The following ADAMTS18 variants were observed in gnomAD, a reference collection of about 807,000 sequenced individuals.
ADAMTS18 encodes ADAM metallopeptidase with thrombospondin type 1 motif 18.
Under a neutral mutation model 165.9 loss-of-function variants are expected in ADAMTS18, and 157 were observed. The ratio of observed to expected loss-of-function variants is 0.95; its 90% CI spans 0.83 to 1.08. The LOEUF is 1.08. Among genes scored for constraint, ADAMTS18 ranks in the 50% least tolerant of loss-of-function variants. ADAMTS18 has a pLI of 0.00. For missense variants in ADAMTS18, 2,040 were observed against 1,534.0 expected (o/e 1.33, Z -5.51); for synonymous variants, 782 against 578.2 (o/e 1.35, Z -5.06).
intron 3 of ADAMTS18, among the ~76,000 whole-genome samples, chr16:77,413,693 A>G (rs1184547899): frequency 1.3e-5 from 2 of 151,164 alleles, no homozygotes; most frequent in African/African-American, 4.8e-5. Flanking sequence ...GTATACTTAA[A>G]TATGTTATTT....
At chr16:77,350,845 C>T (rs2056545379) in intron 10 of ADAMTS18, among the ~76,000 whole-genome samples, 1 of 152,060 alleles carries the variant, frequency 6.6e-6, no homozygotes, top group Non-Finnish European at 1.5e-5. Flanking sequence ...TCTGAGAGGA[C>T]ACTTTGATAA....
chr16:77,290,695 G>C (rs947307213), intron 21 of ADAMTS18: 2 of 166,530 alleles, frequency 1.2e-5, no homozygotes, highest in African/African-American at 4.8e-5. Context: ...ACCAATCCTA[G>C]CTAAAGTTTC....
intron 10 of ADAMTS18, among the ~76,000 whole-genome samples, chr16:77,345,699 G>A (rs1279377640): frequency 6.6e-6 from 1 of 152,096 alleles, no homozygotes; most frequent in African/African-American, 2.4e-5. Context: ...ACTTCCTCAG[G>A]CACACTGGTC....
At chr16:77,346,166 A>C (rs1256921372) in intron 10 of ADAMTS18, among the ~76,000 whole-genome samples, 2 of 152,220 alleles carry the variant, frequency 1.3e-5, no homozygotes, top group African/African-American at 2.4e-5. Flanking sequence ...AAATTTAATC[A>C]GCCACCAACC....
At chr16:77,305,290 C>T (rs928375993) in intron 16 of ADAMTS18, among the ~76,000 whole-genome samples, 1 of 152,046 alleles carries the variant, frequency 6.6e-6, no homozygotes, top group African/African-American at 2.4e-5. Flanking sequence ...AATACTTAAA[C>T]CTTTGGAGAT....
intron 3 of ADAMTS18, among the ~76,000 whole-genome samples, chr16:77,426,380 G>T (rs1319380220): frequency 6.6e-6 from 1 of 152,198 alleles, no homozygotes; most frequent in African/African-American, 2.4e-5. Context: ...AGAAGTTAGG[G>T]AAACTATAGG....
intron 3 of ADAMTS18, among the ~76,000 whole-genome samples, chr16:77,401,990 G>T (rs184119687): frequency 6.6e-6 from 1 of 152,102 alleles, no homozygotes; most frequent in Non-Finnish European, 1.5e-5. Flanking sequence ...TCGGACTCAG[G>T]TCAAATCACA....
chr16:77,325,053 T>C (rs1484912049), intron 13 of ADAMTS18, among the ~76,000 whole-genome samples: 2 of 152,226 alleles, frequency 1.3e-5, no homozygotes, highest in Non-Finnish European at 2.9e-5. Flanking sequence ...GCTTCCTTTA[T>C]GATCACTGAT....
intron 3 of ADAMTS18, among the ~76,000 whole-genome samples, chr16:77,379,566 G>A (rs2144767719): frequency 6.6e-6 from 1 of 152,234 alleles, no homozygotes; most frequent in African/African-American, 2.4e-5. Context: ...TCGGCTCACT[G>A]CAACCTCCAC....
chr16:77,375,168 G>A (rs1008329035), intron 3 of ADAMTS18, among the ~76,000 whole-genome samples: 2 of 152,164 alleles, frequency 1.3e-5, no homozygotes, highest in African/African-American at 4.8e-5. Flanking sequence ...TCACAAATGG[G>A]AATGAAATAT....
intron 16 of ADAMTS18, among the ~76,000 whole-genome samples, chr16:77,318,987 G>A (rs550930503): frequency 2.0e-5 from 3 of 152,308 alleles, no homozygotes; most frequent in African/African-American, 4.8e-5. Context: ...GAGGACTAAA[G>A]AAAATGTTTC....
At chr16:77,421,100 G>A (rs931775848) in intron 3 of ADAMTS18, among the ~76,000 whole-genome samples, 2 of 152,162 alleles carry the variant, frequency 1.3e-5, no homozygotes, top group Admixed American at 1.3e-4. Context: ...ATATTAGAAA[G>A]CATGCCCCCT....
At position 77,283,355 on chromosome 16, in the gene ADAMTS18, G is replaced by A. The variant is rs2055185019; in HGVS notation, c.*601C>T. On this transcript the variant is annotated 3_prime_UTR_variant, in exon 23 of 23. Coordinates refer to ENST00000282849, the MANE Select transcript of ADAMTS18 (RefSeq NM_199355.4). ...TTTTAGTCTCAGAGACTCTCTATAAGCAGAATATAGTTTACACAAAATAAT... is the reference window on the plus strand; with the variant it reads ...TTTTAGTCTCAGAGACTCTCTATAAACAGAATATAGTTTACACAAAATAAT... The A allele has an allele frequency of 2.6e-5, 4 of 153,528 alleles. No homozygotes were observed. The highest frequency in any genetic ancestry group is 2.6e-4 in the Admixed American group (4 of 15,390). 9.5% of individuals were successfully genotyped at this position (153,528 alleles called of 1,614,324 possible). A position where few individuals can be genotyped will look rare whatever the true frequency, so the allele number is the denominator to read the frequency against.
At chr16:77,344,772 G>C (rs1036404324) in intron 10 of ADAMTS18, among the ~76,000 whole-genome samples, 8 of 151,898 alleles carry the variant, frequency 5.3e-5, no homozygotes. Flanking sequence ...ATTCCAGAGT[G>C]AAATAAGACA....
Position 77,384,652 on chromosome 16 carries a change from G to T in ADAMTS18, c.496-16929C>A, listed in dbSNP as rs1274160554. Reference sequence around the variant, plus strand: ...CCCTGGCTAACACCCAACTTATGGGGCATTTCTACTGCCTGTAGCAGTGAA... The same window carrying T: ...CCCTGGCTAACACCCAACTTATGGGTCATTTCTACTGCCTGTAGCAGTGAA... On this transcript the variant is annotated intron_variant, in intron 3 of 22. Coordinates refer to ENST00000282849, the MANE Select transcript of ADAMTS18 (RefSeq NM_199355.4). 3.3e-5 allele frequency among the ~76,000 whole-genome samples: 5 copies of T among 152,114 alleles called. No individual in the cohort carries two copies. In the East Asian group the frequency reaches 9.7e-4, roughly 29 times the overall value.
At chr16:77,388,420 T>C (rs1446247692) in intron 3 of ADAMTS18, among the ~76,000 whole-genome samples, 2 of 152,112 alleles carry the variant, frequency 1.3e-5, no homozygotes, top group Non-Finnish European at 2.9e-5. Flanking sequence ...TCTATGACCA[T>C]CTCATCAAAA....
At chr16:77,431,870 G>A (rs562002148) in intron 2 of ADAMTS18, 12 of 543,174 alleles carry the variant, frequency 2.2e-5, no homozygotes, top group East Asian at 1.6e-4. Flanking sequence ...GTGGAAAAAT[G>A]TAACACCTCT....
rs536522010 is a variant in ADAMTS18, at chr16:77,394,702, G to A, written c.496-26979C>T. 9.2e-5 allele frequency among the ~76,000 whole-genome samples: 14 copies of A among 152,274 alleles called. No homozygotes were observed. In the South Asian group the frequency reaches 2.5e-3, roughly 27 times the overall value. Reference sequence around the variant, plus strand: ...ATTTGACTTACCACGAAAATTTCAAGAAAGTATTTAGCATAAAAAGCAGGC... The same window carrying A: ...ATTTGACTTACCACGAAAATTTCAAAAAAGTATTTAGCATAAAAAGCAGGC... On this transcript the variant is annotated intron_variant, in intron 3 of 22. Coordinates refer to ENST00000282849, the MANE Select transcript of ADAMTS18 (RefSeq NM_199355.4).
chr16:77,373,082 T>C (rs7190480), intron 3 of ADAMTS18, among the ~76,000 whole-genome samples: 39,636 of 152,116 alleles, frequency 0.26, 5,826 homozygotes, highest in East Asian at 0.57. Flanking sequence ...ACACATTTTT[T>C]TTCTTTCCCC....
Sources: allele counts gnomAD v4.1 joint callset (sites outside exome capture counted in the v4.1 genomes callset), GRCh38; gene constraint gnomAD v4.1.1; transcripts MANE v1.5; gene names NCBI Gene and HGNC (gene_info 2026-07-23, HGNC 2026-07-21).